Variants in SPAG17 observed in about 807,000 individuals in gnomAD.
SPAG17 encodes sperm associated antigen 17.
A neutral mutation model predicts 273.6 loss-of-function variants in SPAG17; 169 were observed. The ratio of observed to expected loss-of-function variants is 0.62; its 90% CI spans 0.55 to 0.70. The LOEUF (loss-of-function observed/expected upper bound fraction) is 0.70, where lower values mean the gene tolerates loss of function less well. Among genes scored for constraint, SPAG17 ranks in the 30% least tolerant of loss-of-function variants. The pLI, the probability that SPAG17 is intolerant of heterozygous loss-of-function variation, is 0.00. For synonymous variants in SPAG17, 825 were observed against 873.2 expected, an observed-to-expected ratio of 0.94 and a Z score of 0.97; for missense variants, 2,557 against 2,627.8, an observed-to-expected ratio of 0.97 and a Z score of 0.59.
intron 34 of SPAG17, among the ~76,000 whole-genome samples, chr1:117,995,116 T>C (rs1657514045): frequency 1.3e-5 from 2 of 152,120 alleles, no homozygotes; most frequent in African/African-American, 2.4e-5. Context: ...TTTCCAATGC[T>C]TTATGCTTTC....
chr1:118,031,616 A>C, intron 25 of SPAG17, 76 bp downstream of exon 25: 1 of 1,431,728 alleles, frequency 7.0e-7, no homozygotes, highest in South Asian at 1.3e-5. Flanking sequence ...AACACTATTG[A>C]CATAAGTCAT....
intron 5 of SPAG17, among the ~76,000 whole-genome samples, chr1:118,100,114 G>T (rs1655967461): frequency 6.6e-6 from 1 of 152,198 alleles, no homozygotes; most frequent in Admixed American, 6.5e-5. Context: ...AGTTTAGCCT[G>T]TAACTTTTTT....
intron 31 of SPAG17, among the ~76,000 whole-genome samples, chr1:118,007,277 T>C (rs143846365): frequency 4.8e-4 from 73 of 152,270 alleles, no homozygotes; most frequent in African/African-American, 1.6e-3. Context: ...TCAGAAGAGA[T>C]GAGAGGGATA....
rs2102191661 is a variant in SPAG17 at position 118,091,990 on chromosome 1, C to A, written c.1186G>T (p.Ala396Ser). 6 of 1,613,474 alleles carry A rather than the reference C, an allele frequency of 3.7e-6. No individual in the cohort carries two copies. Among genetic ancestry groups the A allele is most frequent in the Admixed American group, 1.7e-5 (1 of 59,984 alleles). ...TTCTTCTTTCCAGGAGCTGGTACAG[C>A]AGGTTGTGGAGCCTAGAAAAAGAAT... ...AMPTSEAPQP[A>S]VPAPGKKKAQ... The change falls in exon 9 of 49, where the codon GCT (alanine) becomes TCT (serine). Residue 396 changes from alanine (A) to serine (S), a missense_variant. Coordinates refer to ENST00000336338, the MANE Select transcript of SPAG17 (RefSeq NM_206996.4).
At position 118,151,348 on chromosome 1, in the gene SPAG17, C is replaced by A. The variant is rs1304894408; in HGVS notation, c.109G>T (p.Ala37Ser). 6.2e-7 allele frequency: 1 copy of A among 1,612,102 alleles called. No homozygotes were observed. The change falls in exon 2 of 49, where the codon GCT (alanine) becomes TCT (serine). Residue 37 changes from alanine to serine, a missense_variant. By Grantham distance (99) the Ala-to-Ser change is moderately conservative. Transcript: ENST00000336338. Reference sequence around the variant, plus strand: ...TCAATCTGGTTCCCAACCACAAAAGCAATGGAGGCCTGCCAATCGTTCTAT... The same window carrying A: ...TCAATCTGGTTCCCAACCACAAAAGAAATGGAGGCCTGCCAATCGTTCTAT... ...FNQNDWQASI[A>S]FVVGNQIEDD...
chr1:117,999,554 T>G (rs1032544375), intron 32 of SPAG17, among the ~76,000 whole-genome samples: 12 of 152,242 alleles, frequency 7.9e-5, no homozygotes, highest in Admixed American at 7.9e-4. Context: ...ATTGTGGTTT[T>G]GATTTGCATT....
chr1:118,083,338 T>C (rs1211174080), intron 13 of SPAG17, among the ~76,000 whole-genome samples: 2 of 152,144 alleles, frequency 1.3e-5, no homozygotes, highest in Non-Finnish European at 2.9e-5. Context: ...AGAAGGGCCA[T>C]TCAGGTGGTT....
chr1:118,094,793 T>C (rs1452488322), intron 7 of SPAG17, among the ~76,000 whole-genome samples: 2 of 152,178 alleles, frequency 1.3e-5, no homozygotes, highest in Non-Finnish European at 2.9e-5. Flanking sequence ...CAATGCTGAG[T>C]GCTTCACTCA....
chr1:118,136,300 T>C (rs1236872714), intron 3 of SPAG17, among the ~76,000 whole-genome samples: 1 of 152,168 alleles, frequency 6.6e-6, no homozygotes. Flanking sequence ...AATGCACTCG[T>C]GGTATGCAGA....
chr1:118,025,035 G>A, intron 27 of SPAG17, among the ~76,000 whole-genome samples: 1 of 152,160 alleles, frequency 6.6e-6, no homozygotes, highest in South Asian at 2.1e-4. Flanking sequence ...ACATCATGCA[G>A]AGAAATGACA....
chr1:118,107,273 T>TCTTCC lies in SPAG17; in HGVS notation c.448-5352_448-5348dup, dbSNP rs373695273. The stretch of plus-strand genomic sequence containing the variant: ...TACCTGTCTGCCTCCCTCTACTCTG[T>TCTTCC]CTTCCCAGGGGCTGAATCACACTTG... On this transcript the variant is annotated intron_variant, in intron 4 of 48. Transcript: ENST00000336338. Among the ~76,000 whole-genome samples, 708 of 152,194 alleles carry TCTTCC rather than the reference T, an allele frequency of 4.7e-3. 6 individuals are homozygous for TCTTCC. The highest frequency in any genetic ancestry group is 0.016 in the African/African-American group (681 of 41,518).
Position 117,953,906 on chromosome 1 carries a change from G to A in SPAG17, c.*144C>T. On this transcript the variant is annotated 3_prime_UTR_variant, in exon 49 of 49. Transcript: ENST00000336338. Reference sequence around the variant, plus strand: ...GCACGTCTTTATTAAACAGATTGAAGCTATTTCATTTGGCAAATTTCTGGT... The same window carrying A: ...GCACGTCTTTATTAAACAGATTGAAACTATTTCATTTGGCAAATTTCTGGT... 1.1e-6 allele frequency: 1 copy of A among 929,800 alleles called. No individual in the cohort carries two copies. The highest frequency in any genetic ancestry group is 1.7e-6 in the Non-Finnish European group (1 of 602,628). The allele number at this position is 929,800 out of a possible 1,614,324, so 57.6% of individuals were successfully genotyped here.
chr1:118,180,181 T>C (rs1284996828), intron 1 of SPAG17, among the ~76,000 whole-genome samples: 1 of 152,034 alleles, frequency 6.6e-6, no homozygotes, highest in Non-Finnish European at 1.5e-5. Flanking sequence ...AGCCAAAGTA[T>C]GGAATCAATC....
At chr1:118,077,131 T>A (rs1409684847) in intron 15 of SPAG17, among the ~76,000 whole-genome samples, 3 of 152,282 alleles carry the variant, frequency 2.0e-5, no homozygotes, top group East Asian at 3.9e-4. Context: ...ACATGAATGA[T>A]TTTTGCCTTG....
intron 3 of SPAG17, among the ~76,000 whole-genome samples, chr1:118,127,001 T>C (rs961009649): frequency 6.6e-6 from 1 of 152,204 alleles, no homozygotes; most frequent in Non-Finnish European, 1.5e-5. Flanking sequence ...ACTGTAACTA[T>C]GGATTTATTT....
In SPAG17 at chr1:117,953,919, G is replaced by A. The variant is rs1380499477; in HGVS notation, c.*131C>T. The A allele has an allele frequency of 9.1e-7, 1 of 1,094,216 alleles. No homozygotes were observed. The highest frequency in any genetic ancestry group is 1.6e-5 in the African/African-American group (1 of 62,982). 67.8% of individuals were successfully genotyped at this position (1,094,216 alleles called of 1,614,324 possible). ...AAACAGATTGAAGCTATTTCATTTGGCAAATTTCTGGTCAGTTCTTCCAGT... is the reference window on the plus strand; with the variant it reads ...AAACAGATTGAAGCTATTTCATTTGACAAATTTCTGGTCAGTTCTTCCAGT... On this transcript the variant is annotated 3_prime_UTR_variant, in exon 49 of 49. Coordinates refer to ENST00000336338, the MANE Select transcript of SPAG17 (RefSeq NM_206996.4).
At chr1:118,042,182 G>A (rs1649848326) in intron 20 of SPAG17, 140 bp from the exon 21 acceptor site, 1 of 999,590 alleles carries the variant, frequency 1.0e-6, no homozygotes. Flanking sequence ...TAGAAGCCTT[G>A]ACGTCATCCT....
intron 25 of SPAG17, among the ~76,000 whole-genome samples, 192 bp from the exon 26 acceptor site, chr1:118,028,586 C>T (rs576793556): frequency 3.5e-4 from 53 of 152,204 alleles, no homozygotes; most frequent in South Asian, 8.3e-4. Flanking sequence ...ATAGGTGAGA[C>T]AAATGGCAGT....
chr1:118,006,217 A>G (rs1658865577), intron 31 of SPAG17, among the ~76,000 whole-genome samples: 1 of 152,244 alleles, frequency 6.6e-6, no homozygotes, highest in South Asian at 2.1e-4. Flanking sequence ...TAACACTTTT[A>G]TCATCGCCCA....
Sources: allele counts gnomAD v4.1 joint callset (sites outside exome capture counted in the v4.1 genomes callset), GRCh38; gene constraint gnomAD v4.1.1; transcripts MANE v1.5; gene names NCBI Gene and HGNC (gene_info 2026-07-23, HGNC 2026-07-21).